The following EFHC2 variants were observed in gnomAD, a reference collection of about 807,000 sequenced individuals.
EFHC2 encodes the protein EF-hand domain-containing family member C2.
In EFHC2, 18 loss-of-function variants were observed where a neutral mutation model predicts 52.7. The observed-to-expected ratio is 0.34, with a 90% CI of 0.24 to 0.51. EFHC2 has a LOEUF of 0.51. Ranked by LOEUF, EFHC2 falls within the 20% of genes least tolerant of loss-of-function variation. The pLI is 0.97. For synonymous variants in EFHC2, 203 were observed against 204.1 expected (o/e 0.99, Z 0.04); for missense variants, 513 against 562.5 (o/e 0.91, Z 0.89).
At chrX:44,302,822 G>T (rs1353364638) in intron 2 of EFHC2, among the ~76,000 whole-genome samples, 1 of 111,887 alleles carries the variant, frequency 8.9e-6, no homozygotes, top group Non-Finnish European at 1.9e-5. Flanking sequence ...CCTATAGAAA[G>T]ATTTCCATTT....
intron 1 of EFHC2, among the ~76,000 whole-genome samples, chrX:44,332,325 C>T (rs1279361592): frequency 9.1e-6 from 1 of 110,361 alleles, no homozygotes; most frequent in African/African-American, 3.3e-5. Context: ...CTAAACTTCC[C>T]CCCACCCCCA....
At chrX:44,207,971 G>A (rs1194172748) in intron 11 of EFHC2, among the ~76,000 whole-genome samples, 2 of 112,191 alleles carry the variant, frequency 1.8e-5, no homozygotes, top group African/African-American at 6.5e-5. Context: ...CAGTCAGAAT[G>A]GCTATTAAAA....
chrX:44,211,037 C>G (rs2037090923), intron 11 of EFHC2, among the ~76,000 whole-genome samples: 2 of 111,575 alleles, frequency 1.8e-5, no homozygotes, highest in South Asian at 7.5e-4. Context: ...ATATGGATGG[C>G]AAATAAGTGA....
chrX:44,274,276 A>G (rs191017887), intron 2 of EFHC2, among the ~76,000 whole-genome samples: 1 of 112,340 alleles, frequency 8.9e-6, no homozygotes, highest in East Asian at 2.8e-4. Flanking sequence ...CTGCTTTCTT[A>G]AAGAATTTGT....
Position 44,172,317 on chromosome X carries a change from C to T in EFHC2, c.2042+3975G>A, listed in dbSNP as rs374733645. 4.5e-5 allele frequency among the ~76,000 whole-genome samples: 5 copies of T among 112,306 alleles called. No individual in the cohort carries two copies. The East Asian group carries it at 1.1e-3, about 25-fold the overall frequency. ...TTCCTTCCCAGTCCCATGAAGAATA[C>T]AGAATGGAATGGCTTCAGAATTCCC... On this transcript the variant is annotated intron_variant, in intron 13 of 14. Transcript: ENST00000420999.
chrX:44,168,844 C>A (rs1247821878), intron 13 of EFHC2, among the ~76,000 whole-genome samples: 1 of 111,060 alleles, frequency 9.0e-6, no homozygotes, highest in African/African-American at 3.3e-5. Context: ...CCAGAGAAAT[C>A]TCCAGATTCC....
At chrX:44,224,175 C>G (rs746850212) in intron 11 of EFHC2, among the ~76,000 whole-genome samples, 46 of 111,777 alleles carry the variant, frequency 4.1e-4, no homozygotes, top group Admixed American at 1.8e-3. Flanking sequence ...TTTGAATGAC[C>G]CCCACCATGA....
chrX:44,326,809 G>C (rs2038055476), intron 1 of EFHC2, among the ~76,000 whole-genome samples: 1 of 96,168 alleles, frequency 1.0e-5, no homozygotes, highest in Non-Finnish European at 2.0e-5. Flanking sequence ...GCTCACTGCA[G>C]CCTCAACCTC....
At chrX:44,326,483 T>A (rs970127102) in intron 1 of EFHC2, among the ~76,000 whole-genome samples, 1 of 110,690 alleles carries the variant, frequency 9.0e-6, no homozygotes, top group Non-Finnish European at 1.9e-5. Flanking sequence ...GAAAGACCAC[T>A]CTTTATCTCA....
rs1316118549 is a variant in EFHC2, at chrX:44,250,380, C to T, written c.672G>A (p.Gln224=). The T allele has an allele frequency of 8.3e-7, 1 of 1,211,130 alleles. No individual in the cohort carries two copies. The highest frequency in any genetic ancestry group is 1.8e-5 in the South Asian group (1 of 56,902). ...ESLDTLKQFL[Q]YHGKILCFFC... ...AGAAACACAAAATCTTGCCATGATACTGGAGGAACTGTTTCAGGGTGTCGA... is the reference window on the plus strand; with the variant it reads ...AGAAACACAAAATCTTGCCATGATATTGGAGGAACTGTTTCAGGGTGTCGA... The change falls in exon 5 of 15, where the codon CAG becomes CAA. Residue 224 remains glutamine (Q), a synonymous_variant. Coordinates refer to ENST00000420999, the MANE Select transcript of EFHC2 (RefSeq NM_025184.4).
At chrX:44,331,390 G>A (rs1449480364) in intron 1 of EFHC2, among the ~76,000 whole-genome samples, 1 of 111,846 alleles carries the variant, frequency 8.9e-6, no homozygotes, top group East Asian at 2.8e-4. Flanking sequence ...TGGGGGAGTT[G>A]GTGGAAGGGA....
chrX:44,195,902 G>A (rs1304447232), intron 11 of EFHC2, among the ~76,000 whole-genome samples: 2 of 110,934 alleles, frequency 1.8e-5, no homozygotes, highest in Non-Finnish European at 3.8e-5. Flanking sequence ...TGTGTTTTGG[G>A]TTTTGTTTTT....
At chrX:44,308,130 A>C (rs1428631415) in intron 2 of EFHC2, among the ~76,000 whole-genome samples, 1 of 111,432 alleles carries the variant, frequency 9.0e-6, no homozygotes, top group African/African-American at 3.3e-5. Flanking sequence ...CATAATAAAA[A>C]ATTTCTGATT....
chrX:44,334,675 T>G (rs1357129048), intron 1 of EFHC2, among the ~76,000 whole-genome samples: 1 of 111,684 alleles, frequency 9.0e-6, no homozygotes, highest in Admixed American at 9.5e-5. Context: ...GGTTTCTCCA[T>G]GTTAGTCAGG....
chrX:44,155,539 G>T (rs1226850405), intron 14 of EFHC2, among the ~76,000 whole-genome samples: 1 of 112,319 alleles, frequency 8.9e-6, no homozygotes, highest in Non-Finnish European at 1.9e-5. Flanking sequence ...AAGATCGGGA[G>T]CCAATTAAAT....
intron 4 of EFHC2, among the ~76,000 whole-genome samples, chrX:44,252,771 AT>A (rs766778771): frequency 1.8e-5 from 2 of 112,086 alleles, no homozygotes; most frequent in Non-Finnish European, 3.8e-5. Flanking sequence ...TATTTAAAAC[AT>A]TTCTTAGCTG....
intron 3 of EFHC2, among the ~76,000 whole-genome samples, chrX:44,266,388 G>A (rs1170972137): frequency 9.1e-6 from 1 of 109,773 alleles, no homozygotes; most frequent in East Asian, 2.8e-4. Context: ...CCAGGCTGGA[G>A]TGCAGTGGTG....
At chrX:44,294,220 CA>C (rs946931638) in intron 2 of EFHC2, among the ~76,000 whole-genome samples, 2 of 106,854 alleles carry the variant, frequency 1.9e-5, no homozygotes, top group Non-Finnish European at 3.9e-5. Context: ...TGTCAGCACT[CA>C]AAAAGTTTTC....
intron 1 of EFHC2, among the ~76,000 whole-genome samples, chrX:44,322,270 T>A (rs2038025818): frequency 8.9e-6 from 1 of 112,128 alleles, no homozygotes; most frequent in African/African-American, 3.2e-5. Flanking sequence ...GTTTCCTGTT[T>A]ATATACTTGC....
Sources: gnomAD v4.1 joint callset for allele counts (sites outside exome capture counted in the v4.1 genomes callset) on GRCh38, gnomAD v4.1.1 for gene constraint, MANE v1.5 for transcripts, NCBI Gene and HGNC (gene_info 2026-07-23, HGNC 2026-07-21) for gene names.